The following TFG variants were observed in gnomAD, a reference collection of about 807,000 sequenced individuals.
TFG encodes the protein trafficking from ER to golgi regulator.
In TFG, 22 loss-of-function variants were observed where a neutral mutation model predicts 51.4. That is an observed-to-expected ratio of 0.43 (90% CI 0.31 to 0.61). TFG has a LOEUF of 0.61. Among genes scored for constraint, TFG ranks in the 20% least tolerant of loss-of-function variants. The probability of loss-of-function intolerance (pLI) is 0.12; values close to 1 mark genes in which losing one functional copy is unlikely to be tolerated. For synonymous variants in TFG, 187 were observed against 165.6 expected (o/e 1.13, Z -0.99); for missense variants, 419 against 487.7 (o/e 0.86, Z 1.33).
chr3:100,739,515 A>C (rs1480746723), intron 6 of TFG, among the ~76,000 whole-genome samples: 1 of 152,194 alleles, frequency 6.6e-6, no homozygotes, highest in Non-Finnish European at 1.5e-5. Flanking sequence ...AAATCATCAG[A>C]GATCGGGAGA....
At chr3:100,735,717 A>T (rs2149086546) in intron 5 of TFG, among the ~76,000 whole-genome samples, 1 of 152,258 alleles carries the variant, frequency 6.6e-6, no homozygotes, top group South Asian at 2.1e-4. Flanking sequence ...CAGCATTGGA[A>T]CTGTAATATA....
chr3:100,715,455 A>G (rs2095043126), intron 2 of TFG, among the ~76,000 whole-genome samples: 1 of 152,242 alleles, frequency 6.6e-6, no homozygotes, highest in Non-Finnish European at 1.5e-5. Flanking sequence ...TGGGAAGTAT[A>G]GTCCCTGGCT....
chr3:100,739,097 A>T (rs973014685), intron 6 of TFG, among the ~76,000 whole-genome samples: 1 of 152,200 alleles, frequency 6.6e-6, no homozygotes, highest in African/African-American at 2.4e-5. Flanking sequence ...GATTCCCAGC[A>T]TGAATTATAG....
At chr3:100,734,491 G>A (rs1377380932) in intron 5 of TFG, among the ~76,000 whole-genome samples, 1 of 152,170 alleles carries the variant, frequency 6.6e-6, no homozygotes, top group Non-Finnish European at 1.5e-5. Context: ...TGTTAACACT[G>A]TGGTTTTCTG....
At chr3:100,728,666 T>C in intron 3 of TFG, 46 bp from the exon 4 acceptor site, 1 of 1,486,362 alleles carries the variant, frequency 6.7e-7, no homozygotes, top group South Asian at 1.3e-5. Context: ...TTAGTATACT[T>C]ATTCATGAAC....
intron 3 of TFG, among the ~76,000 whole-genome samples, chr3:100,725,622 C>CAAAAAAAAAA (rs763163559): frequency 2.5e-4 from 21 of 83,460 alleles, no homozygotes; most frequent in African/African-American, 5.6e-4. Flanking sequence ...ACCAAAAATA[C>CAAAAAAAAAA]AAAAAAAAAA....
intron 6 of TFG, among the ~76,000 whole-genome samples, chr3:100,738,191 T>C (rs959263162): frequency 6.6e-6 from 1 of 152,250 alleles, no homozygotes; most frequent in Non-Finnish European, 1.5e-5. Context: ...GAATTTCTTA[T>C]TGCTTAAGCC....
At chr3:100,721,457 A>G (rs1195068421) in intron 3 of TFG, among the ~76,000 whole-genome samples, 1 of 152,196 alleles carries the variant, frequency 6.6e-6, no homozygotes, top group Admixed American at 6.5e-5. Flanking sequence ...AGAATATTTT[A>G]GAAAAGTCTA....
intron 7 of TFG, 55 bp from the exon 8 acceptor site, chr3:100,748,094 G>A: frequency 6.5e-7 from 1 of 1,546,098 alleles, no homozygotes; most frequent in Non-Finnish European, 8.8e-7. Context: ...CTAATTCTTT[G>A]GAAAAGTAGT....
At chr3:100,723,695 G>T (rs1238617697) in intron 3 of TFG, among the ~76,000 whole-genome samples, 1 of 152,132 alleles carries the variant, frequency 6.6e-6, no homozygotes, top group Non-Finnish European at 1.5e-5. Flanking sequence ...ATGCATGTTA[G>T]CTTTAGATGT....
chr3:100,742,436 G>T (rs2095123831), intron 6 of TFG: 1 of 152,164 alleles, frequency 6.6e-6, no homozygotes, highest in South Asian at 2.1e-4. Context: ...ATAAGATAAT[G>T]ATTTATGCAG....
At chr3:100,734,449 T>G (rs1052908074) in intron 5 of TFG, among the ~76,000 whole-genome samples, 2 of 152,164 alleles carry the variant, frequency 1.3e-5, no homozygotes, top group Non-Finnish European at 2.9e-5. Context: ...ATTTTCCTCC[T>G]AAATCTTCAG....
At chr3:100,729,044 T>A (rs2095084112) in intron 4 of TFG, among the ~76,000 whole-genome samples, 186 bp downstream of exon 4, 1 of 152,324 alleles carries the variant, frequency 6.6e-6, no homozygotes, top group Admixed American at 6.5e-5. Flanking sequence ...ACTAGGAGGT[T>A]TCATTATACC....
At chr3:100,733,035 TTTGTC>T (rs1346023793) in intron 5 of TFG, among the ~76,000 whole-genome samples, 1 of 152,236 alleles carries the variant, frequency 6.6e-6, no homozygotes, top group Non-Finnish European at 1.5e-5. Flanking sequence ...TTATATTTGA[TTTGTC>T]TTATCTCCTC....
intron 3 of TFG, among the ~76,000 whole-genome samples, chr3:100,727,491 T>C (rs935527297): frequency 6.6e-6 from 1 of 152,210 alleles, no homozygotes; most frequent in Non-Finnish European, 1.5e-5. Flanking sequence ...TTCAGGAGTT[T>C]GTATGTATGT....
intron 3 of TFG, 41 bp downstream of exon 3, chr3:100,720,099 T>C (rs754592602): frequency 7.8e-7 from 1 of 1,282,594 alleles, no homozygotes; most frequent in African/African-American, 1.5e-5. Flanking sequence ...ATTTTATTCA[T>C]TGTATTTTAA....
intron 3 of TFG, among the ~76,000 whole-genome samples, chr3:100,728,017 A>G (rs2095080670): frequency 6.6e-6 from 1 of 152,020 alleles, no homozygotes; most frequent in African/African-American, 2.4e-5. Context: ...AGGTTTTTGT[A>G]GAGATGAAGT....
At chr3:100,721,215 C>G (rs1029387043) in intron 3 of TFG, among the ~76,000 whole-genome samples, 3 of 152,062 alleles carry the variant, frequency 2.0e-5, no homozygotes, top group Admixed American at 1.3e-4. Flanking sequence ...GATAAACTTA[C>G]AAATGTGTTT....
chr3:100,724,453 ATGTAC>A (rs1202327103), intron 3 of TFG, among the ~76,000 whole-genome samples: 1 of 152,206 alleles, frequency 6.6e-6, no homozygotes. Context: ...GGTAAATTTA[ATGTAC>A]TGTTTCAAGA....
Sources: gnomAD v4.1 joint callset for allele counts (sites outside exome capture counted in the v4.1 genomes callset) on GRCh38, gnomAD v4.1.1 for gene constraint, MANE v1.5 for transcripts, NCBI Gene and HGNC (gene_info 2026-07-23, HGNC 2026-07-21) for gene names.